Variants in MADD observed in about 807,000 individuals in gnomAD.
The protein encoded by MADD is MAP kinase activating death domain.
In MADD, 109 loss-of-function variants were observed where a neutral mutation model predicts 176.7. The observed-to-expected ratio is 0.62, with a 90% confidence interval of 0.53 to 0.72. The LOEUF (loss-of-function observed/expected upper bound fraction) is 0.72. Ranked by LOEUF, MADD falls within the 30% of genes least tolerant of loss-of-function variation. The pLI is 0.00. For missense variants in MADD, 1,914 were observed against 2,045.5 expected (o/e 0.94, Z 1.24); for synonymous variants, 771 against 771.3 (o/e 1.00, Z 0.01).
Position 47,286,544 on chromosome 11 carries a change from G to A in MADD, c.2653+10G>A. 1.9e-6 allele frequency: 3 copies of A among 1,605,680 alleles called. No homozygotes were observed. The highest frequency in any genetic ancestry group is 8.5e-7 in the Non-Finnish European group (1 of 1,172,586). ...TTCCCCAGTCTGAAAGGTAACTACA[G>A]CCTTCCTTTTGCCAAGCCAGGTTTC... On this transcript the variant is annotated intron_variant, in intron 15 of 32. Coordinates refer to ENST00000402192, the Ensembl canonical transcript of MADD.
exon 8 of MADD, chr11:47,281,629 C>T (rs747661778): frequency 6.2e-7 from 1 of 1,612,670 alleles, no homozygotes; most frequent in Admixed American, 1.7e-5. Context: ...GGAGAAATTT[C>T]ATGAGGGCCA....
chr11:47,282,466 CCTGTGGTAG>C, exon 9 of MADD: 1 of 1,614,206 alleles, frequency 6.2e-7, no homozygotes, highest in Non-Finnish European at 8.5e-7. Flanking sequence ...CTTTCCTCGG[CCTGTGGTAG>C]CTTTTCAAGC....
chr11:47,320,296 A>C (rs2094210807), intron 27 of MADD, among the ~76,000 whole-genome samples: 1 of 151,754 alleles, frequency 6.6e-6, no homozygotes, highest in African/African-American at 2.4e-5. Context: ...CTCTACTAAA[A>C]ATACAAAAAA....
At chr11:47,327,470 C>G (rs1052786361) in intron 31 of MADD, 1 of 985,306 alleles carries the variant, frequency 1.0e-6, no homozygotes, top group African/African-American at 1.7e-5. Flanking sequence ...CTCGTGCTGC[C>G]TCTCCCCAGG....
At chr11:47,272,423 T>A (rs1965630556) in intron 1 of MADD, 1 of 151,522 alleles carries the variant, frequency 6.6e-6, no homozygotes. Flanking sequence ...ATCCAGGGAG[T>A]GTGTATGTCT....
exon 15 of MADD, chr11:47,286,490 C>T (rs781207856): frequency 1.2e-6 from 2 of 1,614,080 alleles, no homozygotes; most frequent in Non-Finnish European, 1.7e-6. Context: ...ACACTGCCCA[C>T]CAAAGGTGCC....
chr11:47,300,848 T>C (rs1396332105), intron 22 of MADD, among the ~76,000 whole-genome samples: 2 of 152,222 alleles, frequency 1.3e-5, no homozygotes, highest in African/African-American at 4.8e-5. Context: ...AATTGGACTA[T>C]TCAGGTTTCT....
exon 5 of MADD, chr11:47,276,753 T>A: frequency 1.9e-6 from 3 of 1,614,214 alleles, no homozygotes; most frequent in Non-Finnish European, 2.5e-6. Context: ...GTCCCGAGAC[T>A]ACAATGCACT....
chr11:47,310,730 A>AATCCT (rs2088002441), intron 25 of MADD, among the ~76,000 whole-genome samples: 1 of 151,856 alleles, frequency 6.6e-6, no homozygotes, highest in African/African-American at 2.4e-5. Context: ...AATATGGTGA[A>AATCCT]ATCCTGTCTC....
upstream of MADD, chr11:47,269,618 C>T: frequency 6.6e-6 from 1 of 152,132 alleles, no homozygotes; most frequent in Admixed American, 6.5e-5. Context: ...GCCACGCCCC[C>T]CCACTCCCCG....
At chr11:47,311,932 T>C in intron 26 of MADD, 90 bp downstream of exon 29, 1 of 740,518 alleles carries the variant, frequency 1.4e-6, no homozygotes, top group East Asian at 2.7e-5. Flanking sequence ...TTTTTGAAAA[T>C]GGAGCAGTTG....
chr11:47,326,421 CA>C, intron 30 of MADD, 122 bp from the exon 34 acceptor site: 1 of 613,328 alleles, frequency 1.6e-6, no homozygotes. Context: ...CTGTGTCTTA[CA>C]AGCACTGCCC....
intron 25 of MADD, among the ~76,000 whole-genome samples, chr11:47,310,277 G>T (rs1475725812): frequency 5.3e-5 from 8 of 151,612 alleles, no homozygotes; most frequent in Non-Finnish European, 2.9e-5. Context: ...TGCCTCCCGG[G>T]TTCAAGCAAT....
At chr11:47,285,713 TC>T in intron 14 of MADD, 123 bp downstream of exon 14, 1 of 1,347,562 alleles carries the variant, frequency 7.4e-7, no homozygotes, top group Non-Finnish European at 1.0e-6. Context: ...CAAGCCCTAA[TC>T]CAGTCATTTG....
intron 19 of MADD, among the ~76,000 whole-genome samples, chr11:47,291,774 A>G (rs1474017053): frequency 2.0e-5 from 3 of 152,108 alleles, no homozygotes; most frequent in African/African-American, 7.2e-5. Context: ...AAATAACTTC[A>G]CCTCTCAGGG....
chr11:47,315,822 A>T (rs1280373541), intron 27 of MADD, among the ~76,000 whole-genome samples: 1 of 136,018 alleles, frequency 7.4e-6, no homozygotes, highest in Non-Finnish European at 1.6e-5. Context: ...ATAGTAGATG[A>T]TACCCATTTC....
Position 47,284,653 on chromosome 11 carries a change from G to T in MADD, c.2157+88G>T, listed in dbSNP as rs1592348452. ...AAAGCCAGGCTGTAGCTATTCATTT[G>T]CTGCTTCTCACACAATTTTCTCATC... is the stretch of plus-strand genomic sequence containing the variant. On this transcript the variant is annotated intron_variant, in intron 12 of 32. Transcript: ENST00000402192. 4.1e-6 allele frequency: 6 copies of T among 1,481,006 alleles called. No individual in the cohort carries two copies. The South Asian group carries it at 7.5e-5, about 19-fold the overall frequency. 91.7% of individuals were successfully genotyped at this position (1,481,006 alleles called of 1,614,324 possible). A position where few individuals can be genotyped will look rare whatever the true frequency, so the allele number is the denominator to read the frequency against.
chr11:47,295,090 A>G (rs1169802480), intron 20 of MADD, among the ~76,000 whole-genome samples: 11 of 151,306 alleles, frequency 7.3e-5, no homozygotes, highest in Admixed American at 1.3e-4. Context: ...TGCTCACTGC[A>G]GCCTCAAACT....
At chr11:47,320,924 A>AAATAAT (rs557649529) in intron 27 of MADD, among the ~76,000 whole-genome samples, 6 of 151,914 alleles carry the variant, frequency 3.9e-5, no homozygotes, top group African/African-American at 9.7e-5. Flanking sequence ...CTGTCTCAAA[A>AAATAAT]AATAATAATA....
Sources: allele counts gnomAD v4.1 joint callset (sites outside exome capture counted in the v4.1 genomes callset), GRCh38; gene constraint gnomAD v4.1.1; transcripts MANE v1.5; gene names NCBI Gene and HGNC (gene_info 2026-07-23, HGNC 2026-07-21).